ELK3: variants seen among roughly 807,000 people sequenced by gnomAD.
The protein encoded by ELK3 is ETS transcription factor ELK3.
Under a neutral mutation model 28.9 loss-of-function variants are expected in ELK3, and 10 were observed. That is an observed-to-expected ratio of 0.35 (90% CI 0.21 to 0.59). The LOEUF (loss-of-function observed/expected upper bound fraction) is 0.59. Among genes scored for constraint, ELK3 ranks in the 20% least tolerant of loss-of-function variants. The pLI is 0.82. For missense variants in ELK3, 463 were observed against 517.3 expected (o/e 0.90, Z 1.02); for synonymous variants, 272 against 243.5 (o/e 1.12, Z -1.09).
intron 1 of ELK3, among the ~76,000 whole-genome samples, chr12:96,221,968 C>A (rs886518475): frequency 3.9e-5 from 6 of 152,128 alleles, no homozygotes; most frequent in African/African-American, 1.4e-4. Context: ...TCTCCCAGAG[C>A]TGCCCCCTGG....
At chr12:96,195,084 C>T (rs1951453882) in intron 1 of ELK3, among the ~76,000 whole-genome samples, 2 of 151,974 alleles carry the variant, frequency 1.3e-5, no homozygotes, top group African/African-American at 4.8e-5. Context: ...GAGCGGGGGA[C>T]GGCGAGACTT....
rs569056023 is a variant in ELK3, at chr12:96,247,594, C to G, written c.862C>G (p.Pro288Ala). The G allele has an allele frequency of 9.8e-5, 158 of 1,613,896 alleles. 1 individual carries two copies. In the South Asian group the frequency reaches 1.6e-3, roughly 17 times the overall value. The change falls in exon 3 of 5, where the codon CCC (proline) becomes GCC (alanine). Residue 288 changes from proline (P) to alanine (A), a missense_variant. By Grantham distance (27) the Pro-to-Ala change is conservative. Around this residue, in one of 2 missense-constraint regions of ELK3, gnomAD observed 408 missense variants for 414.8 expected, o/e 0.98. Transcript: ENST00000228741. The surrounding 1 kb of genome is among the most constrained non-coding windows in gnomAD (Gnocchi z 5.5). ...CTCCAAGACCAAGTCTCCATCTCTT[C>G]CCCCAAAGGCCAAAAAACCCAAAGG... ...SGSKTKSPSL[P>A]PKAKKPKGLE...
intron 2 of ELK3, among the ~76,000 whole-genome samples, chr12:96,245,859 G>A (rs932519724): frequency 6.6e-6 from 1 of 152,138 alleles, no homozygotes; most frequent in Non-Finnish European, 1.5e-5. Context: ...AAAAACTTTT[G>A]CAATGATTAT....
chr12:96,235,973 G>A (rs1158662875), intron 2 of ELK3, among the ~76,000 whole-genome samples: 1 of 152,236 alleles, frequency 6.6e-6, no homozygotes, highest in South Asian at 2.1e-4. Flanking sequence ...GACTATAGGT[G>A]TGCCACCATA....
At chr12:96,261,854 G>C (rs190946494) in intron 4 of ELK3, among the ~76,000 whole-genome samples, 83 of 152,228 alleles carry the variant, frequency 5.5e-4, no homozygotes, top group African/African-American at 2.0e-3. Context: ...GTTGGGATAC[G>C]TGCATCCGCT....
intron 4 of ELK3, among the ~76,000 whole-genome samples, chr12:96,261,167 G>T (rs990069115): frequency 1.3e-5 from 2 of 152,160 alleles, no homozygotes. Context: ...TGGGATTCAG[G>T]GTCTCTTTGT....
chr12:96,218,619 G>C (rs554054187), intron 1 of ELK3, among the ~76,000 whole-genome samples: 1 of 151,266 alleles, frequency 6.6e-6, no homozygotes. Flanking sequence ...TCTTAAAAAA[G>C]TGGGGGTCTA....
chr12:96,255,589 A>G (rs1951942139), intron 3 of ELK3: 1 of 152,264 alleles, frequency 6.6e-6, no homozygotes, highest in Admixed American at 6.5e-5. Flanking sequence ...ACGAAGAGTC[A>G]AACTCTGTAA....
chr12:96,267,262 G>C lies in ELK3; in HGVS notation c.*82G>C. 1 of 1,199,230 alleles carries C rather than the reference G, an allele frequency of 8.3e-7. No homozygotes were observed. Among genetic ancestry groups the C allele is most frequent in the African/African-American group, 1.5e-5 (1 of 65,572 alleles). The allele number at this position is 1,199,230 out of a possible 1,614,324, so 74.3% of individuals were successfully genotyped here. The stretch of plus-strand genomic sequence containing the variant: ...GGCTAGTTTACCTGTGTCGTGAGAA[G>C]GACATTGTGAAACTCTTGTTAATTT... On this transcript the variant is annotated 3_prime_UTR_variant, in exon 5 of 5. Coordinates refer to ENST00000228741, the MANE Select transcript of ELK3 (RefSeq NM_005230.4).
intron 2 of ELK3, among the ~76,000 whole-genome samples, chr12:96,238,938 A>G (rs200638191): frequency 5.1e-4 from 78 of 152,266 alleles, no homozygotes; most frequent in Admixed American, 9.8e-4. Context: ...TTCCAAATGC[A>G]GCTGCTTTCT....
intron 3 of ELK3, among the ~76,000 whole-genome samples, chr12:96,249,198 C>T (rs964678745): frequency 6.6e-6 from 1 of 152,210 alleles, no homozygotes; most frequent in African/African-American, 2.4e-5. Flanking sequence ...TGTCTGCCTC[C>T]AGAATCCATG....
intron 1 of ELK3, among the ~76,000 whole-genome samples, chr12:96,217,975 G>T (rs1951631925): frequency 6.7e-6 from 1 of 150,032 alleles, no homozygotes; most frequent in East Asian, 2.0e-4. Flanking sequence ...TCAACACTGA[G>T]AACGAAAATC....
rs887347131 is a variant in ELK3 at position 96,255,726 on chromosome 12, A to T, written c.1003-4005A>T. On this transcript the variant is annotated intron_variant, in intron 3 of 4. Coordinates refer to ENST00000228741, the MANE Select transcript of ELK3 (RefSeq NM_005230.4). ...CAGTTTGGTTTTATATATTTTAGGG[A>T]GGCATGAGACGTCATGAAATTGCCA... Among the ~76,000 whole-genome samples the T allele has an allele frequency of 3.3e-5, 5 of 152,118 alleles. No individual in the cohort carries two copies. The East Asian group carries it at 9.6e-4, about 29-fold the overall frequency.
chr12:96,247,113 C>T lies in ELK3; in HGVS notation c.381C>T (p.Ala127=), dbSNP rs756305673. The T allele has an allele frequency of 1.1e-5, 18 of 1,613,216 alleles. No homozygotes were observed. Among genetic ancestry groups the T allele is most frequent in the Admixed American group, 6.7e-5 (4 of 59,874 alleles). ...GCGAGGCCCACAAACACGGCCTGGC[C>T]GCCCTCAGAAGCACGAGCCGCAACG... The part of the protein sequence containing the change: ...EGREAHKHGL[A]ALRSTSRNEY... Residue 127 remains alanine (A), a synonymous_variant, in exon 3 of 5, where the codon GCC becomes GCT. Coordinates refer to ENST00000228741, the MANE Select transcript of ELK3 (RefSeq NM_005230.4). This position sits in a 1 kb window ranked among gnomAD's most constrained non-coding sequence, Gnocchi z 5.5.
rs1229767990 is a variant in ELK3 at position 96,194,614 on chromosome 12, C to G, written c.-94C>G. The stretch of plus-strand genomic sequence containing the variant: ...AGGATCTCATTACAAGAGCCACAGA[C>G]CGTCTGCAGACGCCTGTCAGCATGG... On this transcript the variant is annotated 5_prime_UTR_variant, in exon 1 of 5. Coordinates refer to ENST00000228741, the MANE Select transcript of ELK3 (RefSeq NM_005230.4). 1 of 150,156 alleles carries G rather than the reference C, an allele frequency of 6.7e-6. No individual in the cohort carries two copies. The highest frequency in any genetic ancestry group is 2.4e-5 in the African/African-American group (1 of 41,176). The allele number at this position is 150,156 out of a possible 1,614,324, so 9.3% of individuals were successfully genotyped here.
chr12:96,234,586 A>G (rs926239567), intron 2 of ELK3, among the ~76,000 whole-genome samples: 1 of 151,920 alleles, frequency 6.6e-6, no homozygotes, highest in African/African-American at 2.4e-5. Flanking sequence ...TTCCTACCCC[A>G]AATTTGTAAC....
chr12:96,254,700 A>G (rs149402777), intron 3 of ELK3, among the ~76,000 whole-genome samples: 4 of 152,078 alleles, frequency 2.6e-5, no homozygotes, highest in Non-Finnish European at 5.9e-5. Flanking sequence ...AAGTCCCTTC[A>G]TCTAGTATCT....
intron 4 of ELK3, 120 bp downstream of exon 4, chr12:96,259,973 A>G (rs1340343057): frequency 2.1e-5 from 28 of 1,358,844 alleles, no homozygotes; most frequent in Non-Finnish European, 2.7e-5. Context: ...AAATGTCCAG[A>G]GGGGGTTCAT....
intron 2 of ELK3, among the ~76,000 whole-genome samples, chr12:96,236,273 G>A (rs918721710): frequency 1.3e-5 from 2 of 152,188 alleles, no homozygotes; most frequent in East Asian, 1.9e-4. Flanking sequence ...AAAATGCTGC[G>A]AACGTCCAGT....
Sources: gnomAD v4.1 joint callset for allele counts (sites outside exome capture counted in the v4.1 genomes callset) on GRCh38, gnomAD v4.1.1 for gene constraint, gnomAD v4.1.1 regional missense constraint, Gnocchi (gnomAD v3.1) non-coding constraint, MANE v1.5 for transcripts, NCBI Gene and HGNC (gene_info 2026-07-23, HGNC 2026-07-21) for gene names.